SPAG1: variants seen among roughly 807,000 people sequenced by gnomAD.
The protein encoded by SPAG1 is sperm-associated antigen 1.
In SPAG1, 69 loss-of-function variants were observed where a neutral mutation model predicts 100.5. The ratio of observed to expected loss-of-function variants is 0.69; its 90% CI spans 0.57 to 0.84. The LOEUF is 0.84. Among genes scored for constraint, SPAG1 ranks in the 40% least tolerant of loss-of-function variants. The probability of loss-of-function intolerance (pLI) is 0.00; values close to 1 mark genes in which losing one functional copy is unlikely to be tolerated. For missense variants in SPAG1, 955 were observed against 1,133.1 expected (o/e 0.84, Z 2.26); for synonymous variants, 336 against 411.6 (o/e 0.82, Z 2.22).
chr8:100,171,467 C>A (rs1815846990), intron 3 of SPAG1, among the ~76,000 whole-genome samples: 1 of 152,058 alleles, frequency 6.6e-6, no homozygotes, highest in Admixed American at 6.6e-5. Context: ...CTGTATAGGC[C>A]TGGAGTTTTC....
At chr8:100,187,097 G>A (rs765782337) in intron 7 of SPAG1, 23 bp from the exon 8 acceptor site, 1 of 1,593,450 alleles carries the variant, frequency 6.3e-7, no homozygotes, top group Non-Finnish European at 8.5e-7. Flanking sequence ...CTTGCTTGTT[G>A]CCAGTAACTG....
intron 3 of SPAG1, among the ~76,000 whole-genome samples, chr8:100,172,634 ATGTGTGTGTGTGTGTGTGTGTG>A (rs60155004): frequency 6.9e-6 from 1 of 145,462 alleles, no homozygotes; most frequent in Non-Finnish European, 1.5e-5. Context: ...AAAGAAATAT[ATGTGTGTGTGTGTGTGTGTGTG>A]TGTGTGTGTG....
intron 10 of SPAG1, among the ~76,000 whole-genome samples, chr8:100,202,724 AAAAAAAAAAAAAAAG>A (rs1359657911): frequency 6.6e-6 from 1 of 150,490 alleles, no homozygotes; most frequent in Non-Finnish European, 1.5e-5. Flanking sequence ...AAAAAAAAAA[AAAAAAAAAAAAAAAG>A]AATCAACTGG....
chr8:100,208,484 G>A (rs983851879), intron 10 of SPAG1, among the ~76,000 whole-genome samples: 1 of 152,040 alleles, frequency 6.6e-6, no homozygotes, highest in East Asian at 1.9e-4. Context: ...ACTCCATCAG[G>A]AAAAAAAACC....
Position 100,241,559 on chromosome 8 carries a change from A to G in SPAG1, c.*537A>G, listed in dbSNP as rs1004561437. ...TTAAATTGTTTATTAATTTAGAGCT[A>G]TAAGAGGAACTTATTTTTTCTAATA... is the stretch of plus-strand genomic sequence containing the variant. On this transcript the variant is annotated 3_prime_UTR_variant, in exon 19 of 19. Coordinates refer to ENST00000388798, the MANE Select transcript of SPAG1 (RefSeq NM_003114.5). The surrounding 1 kb of genome is among the most constrained non-coding windows in gnomAD (Gnocchi z 5.1). 2 of 152,220 alleles carry G rather than the reference A, an allele frequency of 1.3e-5. No homozygotes were observed. Among genetic ancestry groups the G allele is most frequent in the Admixed American group, 1.3e-4 (2 of 15,286 alleles). The allele number at this position is 152,220 out of a possible 1,614,324, so 9.4% of individuals were successfully genotyped here.
At chr8:100,176,055 T>TC (rs953604498) in intron 3 of SPAG1, among the ~76,000 whole-genome samples, 3 of 152,106 alleles carry the variant, frequency 2.0e-5, no homozygotes, top group Non-Finnish European at 4.4e-5. Flanking sequence ...GGCATTTTTT[T>TC]CCCCAAGAAT....
intron 10 of SPAG1, among the ~76,000 whole-genome samples, chr8:100,210,962 G>T (rs921799725): frequency 2.0e-5 from 3 of 151,954 alleles, no homozygotes; most frequent in Admixed American, 1.3e-4. Flanking sequence ...TTGAGTAGCT[G>T]GGATTACAGG....
At chr8:100,212,958 G>T in intron 10 of SPAG1, 132 bp from the exon 11 acceptor site, 1 of 663,456 alleles carries the variant, frequency 1.5e-6, no homozygotes, top group Non-Finnish European at 2.2e-6. Flanking sequence ...GGCTCCGCCC[G>T]CAGGGGCGGT....
intron 3 of SPAG1, among the ~76,000 whole-genome samples, chr8:100,174,797 G>A (rs1027996471): frequency 6.6e-6 from 1 of 152,128 alleles, no homozygotes; most frequent in African/African-American, 2.4e-5. Context: ...GTGGTATGGT[G>A]TTAGCACTTG....
intron 3 of SPAG1, among the ~76,000 whole-genome samples, chr8:100,172,436 T>C (rs1263380344): frequency 6.6e-6 from 1 of 152,046 alleles, no homozygotes; most frequent in Non-Finnish European, 1.5e-5. Context: ...CTGGCCAACA[T>C]GGTGAAACCC....
chr8:100,216,573 A>G (rs892715231), intron 12 of SPAG1, among the ~76,000 whole-genome samples: 6 of 152,122 alleles, frequency 3.9e-5, no homozygotes, highest in South Asian at 2.1e-4. Context: ...CGGTTTAGGT[A>G]GGTTGTGCTA....
chr8:100,225,355 A>G lies in SPAG1; in HGVS notation c.1855+16A>G. 1.2e-6 allele frequency: 2 copies of G among 1,610,990 alleles called. No homozygotes were observed. The highest frequency in any genetic ancestry group is 8.5e-7 in the Non-Finnish European group (1 of 1,178,364). ...GGCATCACAGGTGGGGGATGCCTGC[A>G]CTCATTTCTTCTCAAGGTTACCTTG... On this transcript the variant is annotated intron_variant, in intron 14 of 18. Coordinates refer to ENST00000388798, the MANE Select transcript of SPAG1 (RefSeq NM_003114.5).
chr8:100,219,177 A>G (rs1818147942), intron 12 of SPAG1, among the ~76,000 whole-genome samples: 1 of 152,208 alleles, frequency 6.6e-6, no homozygotes, highest in Non-Finnish European at 1.5e-5. Flanking sequence ...ATGTTTCCTC[A>G]TTGCTGAATC....
intron 3 of SPAG1, among the ~76,000 whole-genome samples, chr8:100,166,873 CTCCGGCCTGGGTGACAGAG>C (rs769280753): frequency 6.6e-6 from 1 of 152,112 alleles, no homozygotes; most frequent in Non-Finnish European, 1.5e-5. Context: ...TGTCATTGCA[CTCCGGCCTGGGTGACAGAG>C]TGAGACCCTG....
At chr8:100,194,433 G>A (rs1816943946) in intron 10 of SPAG1, 165 bp downstream of exon 10, 5 of 948,666 alleles carry the variant, frequency 5.3e-6, no homozygotes, top group Non-Finnish European at 4.7e-6. Context: ...ATACAGCTTG[G>A]TAGAATCTCT....
chr8:100,227,965 G>C (rs1389040621), intron 14 of SPAG1, among the ~76,000 whole-genome samples: 1 of 149,238 alleles, frequency 6.7e-6, no homozygotes, highest in African/African-American at 2.5e-5. Context: ...TCCCACCTCA[G>C]TCCTGAGTAG....
rs1391890313 is a variant in SPAG1 at position 100,240,388 on chromosome 8, C to T, written c.2281-15C>T. On this transcript the variant is annotated splice_polypyrimidine_tract_variant and intron_variant, in intron 17 of 18. Coordinates refer to ENST00000388798, the MANE Select transcript of SPAG1 (RefSeq NM_003114.5). Reference sequence around the variant, plus strand: ...TGGTTCAGTGTCACAATGCATTTTTCTTTTCTTCATGAAGGTGAATGAAGG... The same window carrying T: ...TGGTTCAGTGTCACAATGCATTTTTTTTTTCTTCATGAAGGTGAATGAAGG... 2.6e-6 allele frequency: 4 copies of T among 1,566,656 alleles called. No individual in the cohort carries two copies. The highest frequency in any genetic ancestry group is 2.1e-5 in the Admixed American group (1 of 48,226).
chr8:100,159,651 C>T (rs774535311), intron 1 of SPAG1, among the ~76,000 whole-genome samples: 39 of 152,108 alleles, frequency 2.6e-4, no homozygotes, highest in Non-Finnish European at 5.0e-4. Context: ...ACATAATTTC[C>T]ATTTATATAG....
intron 12 of SPAG1, among the ~76,000 whole-genome samples, chr8:100,219,311 T>A (rs1317582314): frequency 1.3e-5 from 2 of 152,216 alleles, no homozygotes; most frequent in African/African-American, 2.4e-5. Context: ...GTTTATAGCA[T>A]GAGTTGAAAG....
Sources: allele counts gnomAD v4.1 joint callset (sites outside exome capture counted in the v4.1 genomes callset), GRCh38; gene constraint gnomAD v4.1.1; non-coding constraint Gnocchi (gnomAD v3.1); transcripts MANE v1.5; gene names NCBI Gene and HGNC (gene_info 2026-07-23, HGNC 2026-07-21).